The following HTR1F variants were observed in gnomAD, a reference collection of about 807,000 sequenced individuals.
HTR1F encodes 5-hydroxytryptamine receptor 1F, also known as 5-hydroxytryptamine (serotonin) receptor 1F, G protein-coupled.
Under a neutral mutation model 24.0 loss-of-function variants are expected in HTR1F, and 17 were observed. The ratio of observed to expected loss-of-function variants is 0.71; its 90% confidence interval spans 0.48 to 1.06. HTR1F has a LOEUF of 1.06. Ranked by LOEUF, HTR1F falls within the 50% of genes least tolerant of loss-of-function variation. The pLI, the probability that HTR1F is intolerant of heterozygous loss-of-function variation, is 0.00. For synonymous variants in HTR1F, 186 were observed against 156.8 expected, an observed-to-expected ratio of 1.19 and a Z score of -1.39; for missense variants, 391 against 427.8, an observed-to-expected ratio of 0.91 and a Z score of 0.76.
intron 2 of HTR1F, among the ~76,000 whole-genome samples, chr3:87,870,777 A>C (rs980622882): frequency 2.0e-5 from 3 of 152,084 alleles, no homozygotes; most frequent in Admixed American, 6.6e-5. Context: ...GTGCTAGAAG[A>C]AGCAAGTTAT....
chr3:87,845,496 G>A (rs532659866), intron 2 of HTR1F, among the ~76,000 whole-genome samples: 2 of 148,644 alleles, frequency 1.3e-5, no homozygotes, highest in Admixed American at 1.3e-4. Context: ...GCTTCAAAGA[G>A]AATAAAATAC....
intron 2 of HTR1F, among the ~76,000 whole-genome samples, chr3:87,894,012 C>CTTT (rs112398757): frequency 1.4e-5 from 2 of 147,666 alleles, no homozygotes; most frequent in African/African-American, 5.0e-5. Context: ...TTTTATTTTT[C>CTTT]TTTTTTTTTT....
intron 2 of HTR1F, among the ~76,000 whole-genome samples, chr3:87,884,217 C>A (rs954286791): frequency 6.6e-6 from 1 of 152,146 alleles, no homozygotes; most frequent in African/African-American, 2.4e-5. Flanking sequence ...AGAATTTTCA[C>A]CCAGAATTTT....
intron 1 of HTR1F, among the ~76,000 whole-genome samples, chr3:87,803,940 T>C (rs1031616880): frequency 2.6e-5 from 4 of 152,124 alleles, no homozygotes; most frequent in African/African-American, 7.2e-5. Flanking sequence ...GTTTGTTTTA[T>C]AGCCAAGAGC....
At chr3:87,875,257 C>A (rs1389592929) in intron 2 of HTR1F, among the ~76,000 whole-genome samples, 1 of 151,982 alleles carries the variant, frequency 6.6e-6, no homozygotes, top group Non-Finnish European at 1.5e-5. Flanking sequence ...TTGAGACCAG[C>A]CTGGCCAACA....
chr3:87,988,273 G>A lies in HTR1F; in HGVS notation c.-42-2435G>A, dbSNP rs1705722210. On this transcript the variant is annotated intron_variant, in intron 2 of 2. Transcript: ENST00000319595. ...TAGCCTCCATTCTTTACCAGGAGTTGCCTTAGTTGCCCTTTATAACTGGCT... is the reference window on the plus strand; with the variant it reads ...TAGCCTCCATTCTTTACCAGGAGTTACCTTAGTTGCCCTTTATAACTGGCT... 4.6e-5 allele frequency among the ~76,000 whole-genome samples: 7 copies of A among 151,394 alleles called. No homozygotes were observed. The South Asian group carries it at 1.5e-3, about 32-fold the overall frequency.
At chr3:87,833,032 C>T (rs539691771) in intron 2 of HTR1F, among the ~76,000 whole-genome samples, 18 of 152,302 alleles carry the variant, frequency 1.2e-4, no homozygotes, top group Middle Eastern at 3.4e-3. Context: ...CAACACCTTT[C>T]TCCAGCTGTC....
intron 1 of HTR1F, among the ~76,000 whole-genome samples, chr3:87,805,205 T>A (rs1704054237): frequency 6.7e-6 from 1 of 149,804 alleles, no homozygotes; most frequent in African/African-American, 2.5e-5. Flanking sequence ...AGAGCAAGGT[T>A]TTTTTTTTTA....
At chr3:87,881,021 C>A (rs1054278189) in intron 2 of HTR1F, among the ~76,000 whole-genome samples, 1 of 151,822 alleles carries the variant, frequency 6.6e-6, no homozygotes, top group African/African-American at 2.4e-5. Context: ...ACACAGAATA[C>A]GGGTGATTTC....
At chr3:87,964,965 C>G (rs1409116473) in intron 2 of HTR1F, among the ~76,000 whole-genome samples, 2 of 152,122 alleles carry the variant, frequency 1.3e-5, no homozygotes, top group African/African-American at 2.4e-5. Flanking sequence ...AAGGGTTCCC[C>G]TACACAAGCT....
chr3:87,913,276 G>T (rs9838596), intron 2 of HTR1F, among the ~76,000 whole-genome samples: 1 of 151,756 alleles, frequency 6.6e-6, no homozygotes, highest in Admixed American at 6.6e-5. Flanking sequence ...GAGGACAAAG[G>T]GCATGAACAG....
rs181243991 is a variant in HTR1F at position 87,849,794 on chromosome 3, G to A, written c.-43+27670G>A. 9.9e-4 allele frequency among the ~76,000 whole-genome samples: 150 copies of A among 151,962 alleles called. No individual in the cohort carries two copies. In the East Asian group the frequency reaches 0.014, roughly 15 times the overall value. ...CAAACAACCCCATCAAAAAGTGGGC[G>A]AAAGATATGAACAGACGCTTCTCAA... On this transcript the variant is annotated intron_variant, in intron 2 of 2. Coordinates refer to ENST00000319595, the MANE Select transcript of HTR1F (RefSeq NM_001322209.2).
At chr3:87,830,382 AGTAAAT>A (rs945826871) in intron 2 of HTR1F, among the ~76,000 whole-genome samples, 1 of 152,226 alleles carries the variant, frequency 6.6e-6, no homozygotes, top group Admixed American at 6.5e-5. Context: ...GACTCACTGA[AGTAAAT>A]GAAGTAGTGG....
intron 2 of HTR1F, among the ~76,000 whole-genome samples, chr3:87,952,118 A>G (rs1265692975): frequency 6.6e-6 from 1 of 151,962 alleles, no homozygotes; most frequent in Non-Finnish European, 1.5e-5. Flanking sequence ...ATTAACTCAT[A>G]TCCTCTCAAG....
chr3:87,813,644 A>G (rs1421717574), intron 1 of HTR1F, among the ~76,000 whole-genome samples: 2 of 151,848 alleles, frequency 1.3e-5, no homozygotes, highest in Non-Finnish European at 2.9e-5. Context: ...CCCCACTCAA[A>G]TCTCATCTCA....
intron 2 of HTR1F, among the ~76,000 whole-genome samples, chr3:87,984,765 G>T (rs1336207847): frequency 6.6e-6 from 1 of 152,030 alleles, no homozygotes; most frequent in Non-Finnish European, 1.5e-5. Context: ...GCCAAAAGAG[G>T]TATTTTTATA....
intron 1 of HTR1F, among the ~76,000 whole-genome samples, chr3:87,810,533 G>T (rs1247048097): frequency 3.9e-5 from 6 of 152,010 alleles, no homozygotes; most frequent in Admixed American, 2.0e-4. Context: ...GAATCAGCCA[G>T]CATTATCTTT....
At chr3:87,888,887 A>C (rs2107300608) in intron 2 of HTR1F, among the ~76,000 whole-genome samples, 1 of 152,342 alleles carries the variant, frequency 6.6e-6, no homozygotes, top group East Asian at 1.9e-4. Flanking sequence ...TAGGAAGAAC[A>C]GAAAGTGCTA....
chr3:87,891,173 G>T (rs1445943169), intron 2 of HTR1F, among the ~76,000 whole-genome samples: 4 of 152,010 alleles, frequency 2.6e-5, no homozygotes, highest in Admixed American at 6.6e-5. Flanking sequence ...AACATTTTAT[G>T]CATATGTACT....
Sources: allele counts gnomAD v4.1 joint callset (sites outside exome capture counted in the v4.1 genomes callset), GRCh38; gene constraint gnomAD v4.1.1; transcripts MANE v1.5; gene names NCBI Gene and HGNC (gene_info 2026-07-23, HGNC 2026-07-21).